The following SLC16A11 variants were observed in gnomAD, a reference collection of about 807,000 sequenced individuals.
SLC16A11 encodes monocarboxylate transporter 11.
In SLC16A11, 24 loss-of-function variants were observed where a neutral mutation model predicts 26.0. That is an observed-to-expected ratio of 0.92 (90% CI 0.67 to 1.30). The LOEUF (loss-of-function observed/expected upper bound fraction) is 1.30. Among genes scored for constraint, SLC16A11 ranks in the 50% most tolerant of loss-of-function variants. The pLI, the probability that SLC16A11 is intolerant of heterozygous loss-of-function variation, is 0.00. For synonymous variants in SLC16A11, 332 were observed against 296.0 expected, an observed-to-expected ratio of 1.12 and a Z score of -1.25; for missense variants, 638 against 597.7, an observed-to-expected ratio of 1.07 and a Z score of -0.70.
Position 7,042,885 on chromosome 17 carries a change from T to A in SLC16A11, c.346+45A>T. The A allele has an allele frequency of 6.2e-7, 1 of 1,611,170 alleles. No individual in the cohort carries two copies. The highest frequency in any genetic ancestry group is 1.3e-5 in the African/African-American group (1 of 74,928). ...TACCCCAGATCCCAACAAGCTCCTG[T>A]CACCTCCTTCACCCTGAATGACCCG... On this transcript the variant is annotated intron_variant, in intron 3 of 4. Transcript: ENST00000574600. The surrounding 1 kb of genome is among the most constrained non-coding windows in gnomAD (Gnocchi z 5.9).
chr17:7,043,706 A>G (rs557554748), intron 1 of SLC16A11, 69 bp downstream of exon 1: 3 of 1,193,592 alleles, frequency 2.5e-6, no homozygotes, highest in Non-Finnish European at 3.4e-6. Context: ...CGCGCGAGGT[A>G]CGGGGACGGG....
Position 7,041,902 on chromosome 17 carries a change from A to G in SLC16A11, c.1121T>C (p.Leu374Pro). 1 of 1,613,832 alleles carries G rather than the reference A, an allele frequency of 6.2e-7. No homozygotes were observed. The highest frequency in any genetic ancestry group is 8.5e-7 in the Non-Finnish European group (1 of 1,179,834). Residue 374 changes from leucine to proline, a missense_variant, in exon 5 of 5, where the codon CTA becomes CCA. Coordinates refer to ENST00000574600, the MANE Select transcript of SLC16A11 (RefSeq NM_001370549.1). Reference protein sequence around the residue: ...GLLGPPLSGFLRDETGDFTAS... With the variant: ...GLLGPPLSGFPRDETGDFTAS... ...GGTGAAGTCTCCTGTCTCATCCCTT[A>G]GGAAGCCTGAGGAGATGGGTAAGGG... is the stretch of plus-strand genomic sequence containing the variant.
intron 1 of SLC16A11, 99 bp from the exon 2 acceptor site, chr17:7,043,618 G>T: frequency 6.6e-7 from 1 of 1,504,296 alleles, no homozygotes; most frequent in Non-Finnish European, 8.8e-7. Flanking sequence ...GCTCGCCCGG[G>T]GTGGGCCCGT....
chr17:7,042,670 G>A lies in SLC16A11; in HGVS notation c.440C>T (p.Thr147Ile), dbSNP rs867148377. The A allele has an allele frequency of 1.3e-6, 2 of 1,557,558 alleles. No individual in the cohort carries two copies. Among genetic ancestry groups the A allele is most frequent in the African/African-American group, 1.3e-5 (1 of 74,322 alleles). ...RRVLAVGLAL[T>I]GNGASSLLLA... The stretch of plus-strand genomic sequence containing the variant: ...GAGCAGCGAGGAGGCCCCGTTGCCG[G>A]TGAGCGCCAGCCCCACCGCCAAGAC... Residue 147 changes from threonine to isoleucine, a missense_variant, in exon 4 of 5, where the codon ACC (threonine) becomes ATC (isoleucine). By Grantham distance (89) the Thr-to-Ile change is moderately conservative (BLOSUM62 -1). Transcript: ENST00000574600. This position sits in a 1 kb window ranked among gnomAD's most constrained non-coding sequence, Gnocchi z 5.9.
In SLC16A11 at chr17:7,042,570, G is replaced by A. The variant is rs1443671793; in HGVS notation, c.540C>T (p.Thr180=). 1 of 1,583,586 alleles carries A rather than the reference G, an allele frequency of 6.3e-7. No individual in the cohort carries two copies. Among genetic ancestry groups the A allele is most frequent in the Non-Finnish European group, 8.6e-7 (1 of 1,167,458 alleles). Residue 180 remains threonine (T), a synonymous_variant, in exon 4 of 5, where the codon ACC becomes ACT. Transcript: ENST00000574600. The surrounding 1 kb of genome is among the most constrained non-coding windows in gnomAD (Gnocchi z 5.9). ...GGGCGCCACAGGGGGTGAGGTGGAG[G>A]GTGATCGCGCCGAGGAGGAGCAGAG... ...RGALLLLGAI[T]LHLTPCGALL...
In SLC16A11 at chr17:7,042,271, C is replaced by T. The variant is rs773641427; in HGVS notation, c.839G>A (p.Gly280Asp). ...RLVCGWLADQ[G>D]WVPLPRLLAV... ...CAGCAGCCGCGGGAGGGGCACCCAG[C>T]CTTGGTCTGCCAGCCACCCGCAGAC... The change falls in exon 4 of 5, where the codon GGC becomes GAC. Residue 280 changes from glycine (G) to aspartate (D), a missense_variant. Gly to Asp is a moderately conservative substitution (Grantham distance 94). Coordinates refer to ENST00000574600, the MANE Select transcript of SLC16A11 (RefSeq NM_001370549.1). This position sits in a 1 kb window ranked among gnomAD's most constrained non-coding sequence, Gnocchi z 5.9. The T allele has an allele frequency of 6.2e-5, 98 of 1,572,060 alleles. 2 individuals carry two copies. The highest frequency in any genetic ancestry group is 1.7e-4 in the South Asian group (15 of 85,938).
rs751007864 is a variant in SLC16A11 at position 7,043,520 on chromosome 17, C to T, written c.-6-1G>A. ...CGGCGGGCTGGGGGGTCATCGCCGTCTGCGGGGTGGGGAAACATCTGTGAG... is the reference window on the plus strand; with the variant it reads ...CGGCGGGCTGGGGGGTCATCGCCGTTTGCGGGGTGGGGAAACATCTGTGAG... On this transcript the variant is annotated splice_acceptor_variant, in intron 1 of 4. Transcript: ENST00000574600. LOFTEE classifies it low-confidence loss of function (5UTR_SPLICE). 6.1e-5 allele frequency: 98 copies of T among 1,597,354 alleles called. No homozygotes were observed. In the South Asian group the frequency reaches 1.0e-3, roughly 17 times the overall value.
chr17:7,041,843 A>T lies in SLC16A11; in HGVS notation c.1180T>A (p.Ser394Thr). 4.3e-6 allele frequency: 7 copies of T among 1,614,032 alleles called. No individual in the cohort carries two copies. The highest frequency in any genetic ancestry group is 5.9e-6 in the Non-Finnish European group (7 of 1,179,962). ...AACCCTATGTAGATGAAGCTGCCGG[A>T]GAGGATCAAAGAACCAGACAGGAGG... is the stretch of plus-strand genomic sequence containing the variant. ...SFLLSGSLIL[S>T]GSFIYIGLPR... The change falls in exon 5 of 5, where the codon TCC becomes ACC. Residue 394 changes from serine to threonine, a missense_variant. Transcript: ENST00000574600.
Position 7,043,062 on chromosome 17 carries a change from T to C in SLC16A11, c.214A>G (p.Ser72Gly), listed in dbSNP as rs775875023. The change falls in exon 3 of 5, where the codon AGC becomes GGC. Residue 72 changes from serine (S) to glycine (G), a missense_variant. By Grantham distance (56) the Ser-to-Gly change is moderately conservative. Coordinates refer to ENST00000574600, the MANE Select transcript of SLC16A11 (RefSeq NM_001370549.1). ...AVQQAASPVG[S>G]ALSTRWGARP... ...GCCCCCCAGCGCGTGCTCAGGGCGC[T>C]GCCCACGGGGCCTGAAAGGGGGCGG... The C allele has an allele frequency of 6.4e-7, 1 of 1,552,060 alleles. No individual in the cohort carries two copies.
At position 7,043,796 on chromosome 17, in the gene SLC16A11, G is replaced by C. The variant is rs1597348340; in HGVS notation, c.-28C>G. 2 of 541,238 alleles carry C rather than the reference G, an allele frequency of 3.7e-6. No homozygotes were observed. Among genetic ancestry groups the C allele is most frequent in the East Asian group, 6.6e-5 (2 of 30,408 alleles). The allele number at this position is 541,238 out of a possible 1,614,324, so 33.5% of individuals were successfully genotyped here. On this transcript the variant is annotated 5_prime_UTR_variant, in exon 1 of 5. Coordinates refer to ENST00000574600, the MANE Select transcript of SLC16A11 (RefSeq NM_001370549.1). ...TTACCCGACCTCTCCGGGCGGTGCG[G>C]GGAGGGGAAGGGTGAGGAAGGGCTG...
chr17:7,043,615 C>T (rs751144812), intron 1 of SLC16A11, 96 bp from the exon 2 acceptor site: 2 of 1,503,122 alleles, frequency 1.3e-6, no homozygotes, highest in Non-Finnish European at 8.8e-7. Flanking sequence ...GCTGCTCGCC[C>T]GGGGTGGGCC....
At position 7,043,425 on chromosome 17, in the gene SLC16A11, C is replaced by T. The variant is rs763973785; in HGVS notation, c.89G>A (p.Gly30Glu). The T allele has an allele frequency of 1.1e-5, 18 of 1,602,800 alleles. No individual in the cohort carries two copies. The East Asian group carries it at 3.8e-4, about 34-fold the overall frequency. ...AAFAINGLSY[G>E]LLRSLGLAFP... is the part of the protein sequence containing the mutation. ...GGCAAGGCCCAGCGAGCGCAGCAGC[C>T]CGTAGGACAGCCCGTTTATCGCGAA... The change falls in exon 2 of 5, where the codon GGG becomes GAG. Residue 30 changes from glycine (G) to glutamate (E), a missense_variant. Coordinates refer to ENST00000574600, the MANE Select transcript of SLC16A11 (RefSeq NM_001370549.1).
Position 7,042,045 on chromosome 17 carries a change from C to T in SLC16A11, c.1065G>A (p.Leu355=). ...GVGGVVQATG[L]VMMLMSLGGL... ...CCCCGAGGCTCATCAGCATCATCAC[C>T]AGCCCTGTGGCCTGCACCACACCTC... is the stretch of plus-strand genomic sequence containing the variant. The change falls in exon 4 of 5, where the codon CTG becomes CTA. Residue 355 remains leucine (L), a synonymous_variant. Transcript: ENST00000574600. This position sits in a 1 kb window ranked among gnomAD's most constrained non-coding sequence, Gnocchi z 5.9. 1 of 1,596,034 alleles carries T rather than the reference C, an allele frequency of 6.3e-7. No individual in the cohort carries two copies. Among genetic ancestry groups the T allele is most frequent in the Non-Finnish European group, 8.6e-7 (1 of 1,169,136 alleles).
Position 7,043,661 on chromosome 17 carries a change from G to A in SLC16A11, c.-7+114C>T, listed in dbSNP as rs1910877184. 5 of 1,465,864 alleles carry A rather than the reference G, an allele frequency of 3.4e-6. No homozygotes were observed. The Middle Eastern group carries it at 6.0e-4, about 177-fold the overall frequency. 90.8% of individuals were successfully genotyped at this position (1,465,864 alleles called of 1,614,324 possible). On this transcript the variant is annotated intron_variant, in intron 1 of 4. Coordinates refer to ENST00000574600, the MANE Select transcript of SLC16A11 (RefSeq NM_001370549.1). ...AGCGCGATGGCGCGGGGCGGAGGGAGCCGGAGCCTGGCCTAGGGCTGGAAC... is the reference window on the plus strand; with the variant it reads ...AGCGCGATGGCGCGGGGCGGAGGGAACCGGAGCCTGGCCTAGGGCTGGAAC...
In SLC16A11 at chr17:7,042,224, C is replaced by T. The variant is rs867276048; in HGVS notation, c.886G>A (p.Gly296Arg). The change falls in exon 4 of 5, where the codon GGG (glycine) becomes AGG (arginine). Residue 296 changes from glycine to arginine, a missense_variant. Gly to Arg is a moderately radical substitution (Grantham distance 125). Transcript: ENST00000574600. This position sits in a 1 kb window ranked among gnomAD's most constrained non-coding sequence, Gnocchi z 5.9. ...RLLAVFGALT[G>R]LGLWVVGLVP... Reference sequence around the variant, plus strand: ...AGCCCCACCACCCACAGCCCCAGCCCAGTCAGAGCCCCGAATACGGCCAGC... The same window carrying T: ...AGCCCCACCACCCACAGCCCCAGCCTAGTCAGAGCCCCGAATACGGCCAGC... 13 of 1,579,190 alleles carry T rather than the reference C, an allele frequency of 8.2e-6. No individual in the cohort carries two copies. The highest frequency in any genetic ancestry group is 1.1e-5 in the Non-Finnish European group (13 of 1,163,968).
Position 7,042,006 on chromosome 17 carries a change from A to T in SLC16A11, c.1104T>A (p.Pro368=). 1 of 1,577,966 alleles carries T rather than the reference A, an allele frequency of 6.3e-7. No homozygotes were observed. The change falls in exon 4 of 5, where the codon CCT becomes CCA. Residue 368 remains proline, a synonymous_variant. Coordinates refer to ENST00000574600, the MANE Select transcript of SLC16A11 (RefSeq NM_001370549.1). This position sits in a 1 kb window ranked among gnomAD's most constrained non-coding sequence, Gnocchi z 5.9. ...MLMSLGGLLG[P]PLSGFLRDET... Reference sequence around the variant, plus strand: ...AGCTCAGGTCCTTACCTGACAGGGGAGGGCCCAGGAGCCCCCCGAGGCTCA... The same window carrying T: ...AGCTCAGGTCCTTACCTGACAGGGGTGGGCCCAGGAGCCCCCCGAGGCTCA...
Position 7,043,080 on chromosome 17 carries a change from G to A in SLC16A11, c.203-7C>T. On this transcript the variant is annotated splice_region_variant and splice_polypyrimidine_tract_variant and intron_variant, in intron 2 of 4. Transcript: ENST00000574600. ...AGGGCGCTGCCCACGGGGCCTGAAAGGGGGCGGAGTCAACGGAAGACACGC... is the reference window on the plus strand; with the variant it reads ...AGGGCGCTGCCCACGGGGCCTGAAAAGGGGCGGAGTCAACGGAAGACACGC... The A allele has an allele frequency of 6.5e-7, 1 of 1,530,898 alleles. No individual in the cohort carries two copies. The highest frequency in any genetic ancestry group is 8.8e-7 in the Non-Finnish European group (1 of 1,139,212). 94.8% of individuals were successfully genotyped at this position (1,530,898 alleles called of 1,614,324 possible). A position where few individuals can be genotyped will look rare whatever the true frequency, so the allele number is the denominator to read the frequency against.
chr17:7,042,457 C>G lies in SLC16A11; in HGVS notation c.653G>C (p.Arg218Pro). 6.4e-7 allele frequency: 1 copy of G among 1,556,578 alleles called. No individual in the cohort carries two copies. The highest frequency in any genetic ancestry group is 8.7e-7 in the Non-Finnish European group (1 of 1,149,880). ...GCCTAGAGCAAAGATTGAGAAGGCC[C>G]GGCGTGTGAACAGACTCAGGCCGAG... ...AALGLSLFTR[R>P]AFSIFALGTA... The change falls in exon 4 of 5, where the codon CGG (arginine) becomes CCG (proline). Residue 218 changes from arginine to proline, a missense_variant. Transcript: ENST00000574600. This position sits in a 1 kb window ranked among gnomAD's most constrained non-coding sequence, Gnocchi z 5.9.
chr17:7,042,824 G>T lies in SLC16A11; in HGVS notation c.347-61C>A. 4.5e-6 allele frequency: 7 copies of T among 1,565,158 alleles called. No homozygotes were observed. Among genetic ancestry groups the T allele is most frequent in the Non-Finnish European group, 6.1e-6 (7 of 1,156,176 alleles). ...GGGGACGCCCGCCCCAGCATTCCCA[G>T]CCCGGCTCTCCGCACCAGGCCCCCG... is the stretch of plus-strand genomic sequence containing the variant. On this transcript the variant is annotated intron_variant, in intron 3 of 4. Transcript: ENST00000574600. The surrounding 1 kb of genome is among the most constrained non-coding windows in gnomAD (Gnocchi z 5.9).
Sources: allele counts gnomAD v4.1 joint callset, GRCh38; gene constraint gnomAD v4.1.1; non-coding constraint Gnocchi (gnomAD v3.1); transcripts MANE v1.5; gene names NCBI Gene and HGNC (gene_info 2026-07-23, HGNC 2026-07-21).